TTLL5: variants seen among roughly 807,000 people sequenced by gnomAD.
TTLL5 encodes the protein tubulin tyrosine ligase like 5.
Under a neutral mutation model 168.4 loss-of-function variants are expected in TTLL5, and 132 were observed. The observed-to-expected ratio is 0.78, with a 90% CI of 0.68 to 0.91. The LOEUF (loss-of-function observed/expected upper bound fraction) is 0.91, where lower values mean the gene tolerates loss of function less well. TTLL5 is among the 40% of genes least tolerant of loss of function. The pLI is 0.00. For missense variants in TTLL5, 1,545 were observed against 1,581.5 expected (o/e 0.98, Z 0.39); for synonymous variants, 546 against 558.6 (o/e 0.98, Z 0.32).
chr14:75,707,402 A>G (rs1886732718), intron 8 of TTLL5, among the ~76,000 whole-genome samples: 1 of 152,070 alleles, frequency 6.6e-6, no homozygotes. Flanking sequence ...TATATACATT[A>G]TACGGTTTTT....
intron 31 of TTLL5, among the ~76,000 whole-genome samples, chr14:75,914,033 A>AAAAAAAAAAAAAAAAAAATATATAT: frequency 1.4e-5 from 1 of 71,098 alleles, no homozygotes; most frequent in Non-Finnish European, 2.1e-5. Flanking sequence ...AAAAAAAAAA[A>AAAAAAAAAAAAAAAAAAATATATAT]ATATATATAT....
intron 31 of TTLL5, among the ~76,000 whole-genome samples, chr14:75,917,472 C>G (rs2033659680): frequency 1.3e-5 from 2 of 152,226 alleles, no homozygotes; most frequent in Admixed American, 1.3e-4. Flanking sequence ...GGCTGGTGAT[C>G]AGGCCCTGTG....
chr14:75,914,033 A>AAAAATAT lies in TTLL5; in HGVS notation c.3823+11810_3823+11811insAAATATA. Among the ~76,000 whole-genome samples, 4 of 71,118 alleles carry AAAAATAT rather than the reference A, an allele frequency of 5.6e-5. 1 individual carries two copies. Among genetic ancestry groups the AAAAATAT allele is most frequent in the Non-Finnish European group, 6.2e-5 (3 of 48,266 alleles). The allele number at this position is 71,118 out of a possible 152,430, so 46.7% of individuals were successfully genotyped here. A position where few individuals can be genotyped will look rare whatever the true frequency, so the allele number is the denominator to read the frequency against. On this transcript the variant is annotated intron_variant, in intron 31 of 31. Transcript: ENST00000298832. The stretch of plus-strand genomic sequence containing the variant: ...GTTTAAAAGGAAAAAAAAAAAAAAA[A>AAAAATAT]ATATATATATATATATATATATTTT...
At chr14:75,860,580 C>G (rs1426636322) in intron 28 of TTLL5, among the ~76,000 whole-genome samples, 3 of 152,228 alleles carry the variant, frequency 2.0e-5, no homozygotes, top group African/African-American at 7.2e-5. Flanking sequence ...TAGTTTAATT[C>G]TGGATTCAAA....
chr14:75,690,568 T>C (rs1885379748), intron 6 of TTLL5, among the ~76,000 whole-genome samples: 1 of 152,146 alleles, frequency 6.6e-6, no homozygotes, highest in African/African-American at 2.4e-5. Context: ...CTGTCTTATG[T>C]ATTTTTTGCT....
At chr14:75,719,588 G>T in intron 10 of TTLL5, 147 bp from the exon 11 acceptor site, 1 of 607,516 alleles carries the variant, frequency 1.6e-6, no homozygotes, top group Non-Finnish European at 2.7e-6. Flanking sequence ...TGACAAAAAG[G>T]ACCAAGAAAA....
chr14:75,788,458 A>G (rs1057486855), intron 26 of TTLL5, among the ~76,000 whole-genome samples: 2 of 152,140 alleles, frequency 1.3e-5, no homozygotes, highest in African/African-American at 4.8e-5. Context: ...TACACCCAAA[A>G]TGACAAAAAT....
Position 75,909,369 on chromosome 14 carries a change from A to G in TTLL5, c.3823+7145A>G, listed in dbSNP as rs896485359. Reference sequence around the variant, plus strand: ...TGGAATTATCTAAACTAGCCAATCCAGCCAATCCAAAGCTGTTTAATTGCC... The same window carrying G: ...TGGAATTATCTAAACTAGCCAATCCGGCCAATCCAAAGCTGTTTAATTGCC... On this transcript the variant is annotated intron_variant, in intron 31 of 31. Transcript: ENST00000298832. Among the ~76,000 whole-genome samples, 48 of 149,354 alleles carry G rather than the reference A, an allele frequency of 3.2e-4. 1 individual carries two copies. Among genetic ancestry groups the G allele is most frequent in the African/African-American group, 1.1e-3 (45 of 40,380 alleles).
intron 15 of TTLL5, among the ~76,000 whole-genome samples, chr14:75,736,977 A>T (rs1888951439): frequency 6.6e-6 from 1 of 152,222 alleles, no homozygotes; most frequent in Admixed American, 6.6e-5. Context: ...TGTTTCCTGC[A>T]GTATCTGTGG....
chr14:75,743,831 T>TGCC (rs1889430801), intron 15 of TTLL5, among the ~76,000 whole-genome samples: 1 of 152,100 alleles, frequency 6.6e-6, no homozygotes, highest in Non-Finnish European at 1.5e-5. Context: ...TCTGCCCACC[T>TGCC]TGGCCTCCCA....
chr14:75,765,696 C>G (rs1890928289), intron 19 of TTLL5, among the ~76,000 whole-genome samples: 1 of 151,994 alleles, frequency 6.6e-6, no homozygotes, highest in South Asian at 2.1e-4. Context: ...AATCCTGTCT[C>G]TACAAAAAAT....
intron 6 of TTLL5, among the ~76,000 whole-genome samples, chr14:75,692,204 T>C (rs1308632649): frequency 6.6e-6 from 1 of 152,226 alleles, no homozygotes; most frequent in Non-Finnish European, 1.5e-5. Context: ...AGTAGGTTAG[T>C]ATGTGGAAAT....
intron 27 of TTLL5, among the ~76,000 whole-genome samples, chr14:75,812,230 CAGG>C (rs1894088142): frequency 6.6e-6 from 1 of 152,038 alleles, no homozygotes; most frequent in African/African-American, 2.4e-5. Context: ...AGAGGAAAAG[CAGG>C]AGCAGGGGGA....
At position 75,775,165 on chromosome 14, in the gene TTLL5, A is replaced by G. The variant is rs190893310; in HGVS notation, c.2137-319A>G. On this transcript the variant is annotated intron_variant, in intron 21 of 31. Coordinates refer to ENST00000298832, the MANE Select transcript of TTLL5 (RefSeq NM_015072.5). ...TTCCTACTACCTGTCTTTGAATGCT[A>G]CCTTCCCTAAATAGTGCTATTTGTG... Among the ~76,000 whole-genome samples, 26 of 151,786 alleles carry G rather than the reference A, an allele frequency of 1.7e-4. No homozygotes were observed. The East Asian group carries it at 4.3e-3, about 25-fold the overall frequency.
intron 28 of TTLL5, 53 bp downstream of exon 28, chr14:75,820,214 T>C: frequency 6.7e-7 from 1 of 1,483,878 alleles, no homozygotes; most frequent in East Asian, 2.6e-5. Flanking sequence ...ATGGCCTGTG[T>C]CCCAAGCAAG....
chr14:75,895,984 C>G (rs1399716908), intron 30 of TTLL5, among the ~76,000 whole-genome samples: 1 of 152,072 alleles, frequency 6.6e-6, no homozygotes, highest in South Asian at 2.1e-4. Context: ...AGGGCCTACT[C>G]AGGAATGAAG....
intron 30 of TTLL5, among the ~76,000 whole-genome samples, chr14:75,884,708 T>C (rs2032007061): frequency 6.6e-6 from 1 of 152,174 alleles, no homozygotes; most frequent in East Asian, 1.9e-4. Context: ...GCTAAGTTAA[T>C]ACTAATAAAG....
chr14:75,795,657 T>C (rs914834978), intron 27 of TTLL5, among the ~76,000 whole-genome samples: 4 of 152,184 alleles, frequency 2.6e-5, no homozygotes, highest in Non-Finnish European at 5.9e-5. Flanking sequence ...CTCCTACTTA[T>C]AAGTGAGAAC....
chr14:75,707,271 A>T (rs565440514), intron 8 of TTLL5, among the ~76,000 whole-genome samples, 184 bp downstream of exon 8: 1 of 152,304 alleles, frequency 6.6e-6, no homozygotes, highest in South Asian at 2.1e-4. Flanking sequence ...AAATGAGACA[A>T]TATAAGAGAA....
Sources: gnomAD v4.1 joint callset for allele counts (sites outside exome capture counted in the v4.1 genomes callset) on GRCh38, gnomAD v4.1.1 for gene constraint, MANE v1.5 for transcripts, NCBI Gene and HGNC (gene_info 2026-07-23, HGNC 2026-07-21) for gene names.